The following TRPC5 variants were observed in gnomAD, a reference collection of about 807,000 sequenced individuals.
TRPC5 encodes short transient receptor potential channel 5.
A neutral mutation model predicts 56.5 loss-of-function variants in TRPC5; 9 were observed. That is an observed-to-expected ratio of 0.16 (90% confidence interval 0.10 to 0.28). TRPC5 has a LOEUF of 0.28. TRPC5 is among the 10% of genes least tolerant of loss of function. The pLI, the probability that TRPC5 is intolerant of heterozygous loss-of-function variation, is 1.00. For synonymous variants in TRPC5, 282 were observed against 278.5 expected (o/e 1.01, Z -0.13); for missense variants, 469 against 748.9 (o/e 0.63, Z 4.36).
chrX:111,876,216 G>A (rs919304243), intron 3 of TRPC5: 15 of 110,961 alleles, frequency 1.4e-4, no homozygotes, highest in African/African-American at 4.9e-4. Flanking sequence ...CAGCTCTGAT[G>A]TTTCTGGTAG....
At chrX:111,937,466 T>C (rs1434080790) in intron 2 of TRPC5, among the ~76,000 whole-genome samples, 1 of 105,239 alleles carries the variant, frequency 9.5e-6, no homozygotes, top group Admixed American at 1.0e-4. Flanking sequence ...TCTAGGGTTT[T>C]TATGGTTTTA....
intron 1 of TRPC5, among the ~76,000 whole-genome samples, chrX:111,995,161 G>C (rs1189713093): frequency 8.9e-6 from 1 of 111,849 alleles, no homozygotes; most frequent in African/African-American, 3.3e-5. Flanking sequence ...TTTATTGAGA[G>C]TTTTTAGTAC....
intron 1 of TRPC5, among the ~76,000 whole-genome samples, chrX:112,074,140 A>G (rs1008227475): frequency 1.8e-4 from 20 of 110,888 alleles, no homozygotes; most frequent in African/African-American, 6.6e-4. Flanking sequence ...TCAGAGTGGC[A>G]CAGTTAAAAT....
At chrX:111,786,080 C>T (rs1945961179) in intron 7 of TRPC5, among the ~76,000 whole-genome samples, 2 of 111,121 alleles carry the variant, frequency 1.8e-5, no homozygotes, top group South Asian at 7.7e-4. Flanking sequence ...CAAAGATACT[C>T]CTTGAGAAGA....
chrX:112,073,055 G>A (rs749416613), intron 1 of TRPC5, among the ~76,000 whole-genome samples: 1 of 111,636 alleles, frequency 9.0e-6, no homozygotes, highest in South Asian at 3.8e-4. Flanking sequence ...TTTCTGTCCT[G>A]AGTCTATAAG....
chrX:111,982,555 T>C (rs951702352), intron 1 of TRPC5, among the ~76,000 whole-genome samples: 2 of 111,929 alleles, frequency 1.8e-5, no homozygotes, highest in African/African-American at 6.5e-5. Context: ...ATATTCTTCC[T>C]TACCTTCATT....
At chrX:111,981,537 T>C (rs1928082226) in intron 1 of TRPC5, among the ~76,000 whole-genome samples, 1 of 111,760 alleles carries the variant, frequency 8.9e-6, no homozygotes, top group South Asian at 3.8e-4. Flanking sequence ...AAATTAAGCA[T>C]CACATGTCCA....
chrX:112,023,264 T>TTG (rs1929332499), intron 1 of TRPC5, among the ~76,000 whole-genome samples: 1 of 99,461 alleles, frequency 1.0e-5, no homozygotes, highest in Non-Finnish European at 2.0e-5. Flanking sequence ...TTTTTTTTTT[T>TTG]TTTTTTTTTT....
intron 1 of TRPC5, among the ~76,000 whole-genome samples, chrX:111,986,752 C>A (rs933246684): frequency 8.1e-5 from 9 of 111,520 alleles, no homozygotes; most frequent in South Asian, 7.6e-4. Flanking sequence ...CATCTCTTCC[C>A]AATAAATGCC....
intron 1 of TRPC5, among the ~76,000 whole-genome samples, chrX:112,046,571 T>A (rs1930031561): frequency 9.0e-6 from 1 of 111,284 alleles, no homozygotes; most frequent in Admixed American, 9.6e-5. Flanking sequence ...GGCATTTCTG[T>A]TGCACTGCAG....
chrX:112,078,505 A>G (rs781577700), intron 1 of TRPC5, among the ~76,000 whole-genome samples: 75 of 111,416 alleles, frequency 6.7e-4, no homozygotes, highest in Non-Finnish European at 1.1e-3. Context: ...CAATTTCTCT[A>G]TAGGTGAAAT....
At chrX:111,925,460 T>G (rs1030326617) in intron 2 of TRPC5, among the ~76,000 whole-genome samples, 2 of 112,456 alleles carry the variant, frequency 1.8e-5, no homozygotes, top group Non-Finnish European at 3.8e-5. Context: ...CTTTACCCTT[T>G]TACACTGTAT....
At chrX:112,050,204 AAC>A (rs201868928) in intron 1 of TRPC5, among the ~76,000 whole-genome samples, 2,373 of 111,820 alleles carry the variant, frequency 0.021, 67 homozygotes, top group African/African-American at 0.074. Context: ...CAAACAAACA[AAC>A]AAAGGCTGTG....
intron 1 of TRPC5, among the ~76,000 whole-genome samples, chrX:111,979,973 G>T (rs962600160): frequency 1.8e-5 from 2 of 111,474 alleles, no homozygotes; most frequent in African/African-American, 3.3e-5. Context: ...TAACTAAGTA[G>T]TTATCCCAGA....
At chrX:112,053,088 A>G (rs776253810) in intron 1 of TRPC5, among the ~76,000 whole-genome samples, 1 of 111,926 alleles carries the variant, frequency 8.9e-6, no homozygotes, top group Admixed American at 9.5e-5. Context: ...GAGTCAGGGG[A>G]TAAATCAGAT....
chrX:112,001,137 C>T (rs1928684881), intron 1 of TRPC5, among the ~76,000 whole-genome samples: 2 of 112,214 alleles, frequency 1.8e-5, no homozygotes, highest in African/African-American at 6.5e-5. Context: ...TTTGAGTCAT[C>T]TAGCAGTTAG....
At chrX:112,004,441 A>C (rs1015903320) in intron 1 of TRPC5, among the ~76,000 whole-genome samples, 3 of 112,137 alleles carry the variant, frequency 2.7e-5, no homozygotes, top group African/African-American at 9.7e-5. Flanking sequence ...AAAGTTTGCC[A>C]AGGGCAGATC....
intron 1 of TRPC5, among the ~76,000 whole-genome samples, chrX:111,979,864 A>G (rs1454335903): frequency 8.9e-6 from 1 of 111,826 alleles, no homozygotes; most frequent in Non-Finnish European, 1.9e-5. Context: ...ACTCTCATAT[A>G]CTGCTAGAGG....
intron 1 of TRPC5, among the ~76,000 whole-genome samples, chrX:112,017,965 A>G (rs1031205524): frequency 2.7e-5 from 3 of 112,559 alleles, no homozygotes; most frequent in South Asian, 7.4e-4. Flanking sequence ...ACTTAGTACA[A>G]TAAAAAAGAA....
Sources: gnomAD v4.1 joint callset for allele counts (sites outside exome capture counted in the v4.1 genomes callset) on GRCh38, gnomAD v4.1.1 for gene constraint, MANE v1.5 for transcripts, NCBI Gene and HGNC (gene_info 2026-07-23, HGNC 2026-07-21) for gene names.